The following GSDMC variants were observed in gnomAD, a reference collection of about 807,000 sequenced individuals.
GSDMC encodes the protein gasdermin-C.
In GSDMC, 59 loss-of-function variants were observed where a neutral mutation model predicts 58.0. The observed-to-expected ratio is 1.02, with a 90% confidence interval of 0.82 to 1.26. GSDMC has a LOEUF of 1.26. GSDMC is among the 50% of genes most tolerant of loss of function. GSDMC has a pLI of 0.00. For synonymous variants in GSDMC, 241 were observed against 220.2 expected, an observed-to-expected ratio of 1.09 and a Z score of -0.83; for missense variants, 659 against 598.5, an observed-to-expected ratio of 1.10 and a Z score of -1.06.
At chr8:129,780,416 C>A (rs578127959) in intron 1 of GSDMC, among the ~76,000 whole-genome samples, 72 of 151,960 alleles carry the variant, frequency 4.7e-4, no homozygotes, top group Non-Finnish European at 9.6e-4. Flanking sequence ...AAATAACAAA[C>A]AATAAAATTC....
the GSDMC span, among the ~76,000 whole-genome samples, chr8:129,715,753 C>T: frequency 5.3e-5 from 8 of 152,074 alleles, no homozygotes; most frequent in Admixed American, 2.6e-4. Context: ...GAAAAAATAC[C>T]CCTGGAAGTG....
the GSDMC span, among the ~76,000 whole-genome samples, chr8:129,718,565 C>T: frequency 2.5e-4 from 38 of 152,266 alleles, 1 homozygote; most frequent in South Asian, 1.2e-3. Context: ...GAAATTGTAA[C>T]GCTTTTACAC....
At chr8:129,748,826 GGATAATAA>G in intron 13 of GSDMC, 86 bp from the exon 14 acceptor site, 2 of 1,160,148 alleles carry the variant, frequency 1.7e-6, no homozygotes, top group Non-Finnish European at 2.3e-6. Context: ...GGGCCATGCA[GGATAATAA>G]AAGGAGCAAG....
the GSDMC span, among the ~76,000 whole-genome samples, chr8:129,709,590 T>TGATAGATAGATAGATA: frequency 3.4e-5 from 5 of 146,022 alleles, no homozygotes; most frequent in East Asian, 2.0e-4. Context: ...GATAGATAGA[T>TGATAGATAGATAGATA]GATAGATAGA....
chr8:129,776,846 C>T (rs968221043), intron 2 of GSDMC, among the ~76,000 whole-genome samples: 5 of 152,194 alleles, frequency 3.3e-5, no homozygotes, highest in Admixed American at 6.5e-5. Flanking sequence ...CTGCAACCTC[C>T]GCCTTCTGGG....
chr8:129,774,886 G>C (rs567444883), intron 3 of GSDMC, among the ~76,000 whole-genome samples: 8 of 152,190 alleles, frequency 5.3e-5, no homozygotes, highest in African/African-American at 1.7e-4. Flanking sequence ...ACATAATTTC[G>C]CATCTGTTTG....
rs778760906 is a variant in GSDMC at position 129,748,680 on chromosome 8, G to T, written c.1348C>A (p.Pro450Thr). ...CTCTGGAGTGGGGCGAGGAGCTCAG[G>T]TTTGAGGGTGAAGGGAATGCTCCAG... ...YPWSIPFTLK[P>T]ELLAPLQSEG... Residue 450 changes from proline (P) to threonine (T), a missense_variant, in exon 14 of 14, where the codon CCT (proline) becomes ACT (threonine). Coordinates refer to ENST00000276708, the MANE Select transcript of GSDMC (RefSeq NM_031415.3). 1.2e-6 allele frequency: 2 copies of T among 1,605,044 alleles called. No individual in the cohort carries two copies. Among genetic ancestry groups the T allele is most frequent in the South Asian group, 2.2e-5 (2 of 89,520 alleles).
chr8:129,725,355 C>T, the GSDMC span, among the ~76,000 whole-genome samples: 56,015 of 151,976 alleles, frequency 0.37, 13,925 homozygotes, highest in East Asian at 0.71. Flanking sequence ...CACACTCATG[C>T]GTTCTTTTCT....
intron 5 of GSDMC, among the ~76,000 whole-genome samples, chr8:129,761,601 A>T (rs2033663738): frequency 6.6e-6 from 1 of 152,106 alleles, no homozygotes; most frequent in Non-Finnish European, 1.5e-5. Context: ...GATATTTTGA[A>T]ACTAGAGCTC....
chr8:129,757,564 C>T (rs953492132), intron 6 of GSDMC, among the ~76,000 whole-genome samples: 8 of 151,704 alleles, frequency 5.3e-5, no homozygotes, highest in African/African-American at 1.9e-4. Flanking sequence ...GCCAGTATTA[C>T]CCAGATACCA....
chr8:129,717,300 A>T, the GSDMC span, among the ~76,000 whole-genome samples: 1 of 136,542 alleles, frequency 7.3e-6, no homozygotes, highest in East Asian at 2.2e-4. Context: ...TACTGCCTCA[A>T]TTTCAGAACT....
At chr8:129,776,040 G>T in intron 3 of GSDMC, 62 bp downstream of exon 3, 3 of 1,278,248 alleles carry the variant, frequency 2.3e-6, no homozygotes, top group South Asian at 1.4e-5. Context: ...GTATTTTTGT[G>T]TTCAAGGAAA....
At chr8:129,733,413 G>A in the GSDMC span, among the ~76,000 whole-genome samples, 1 of 152,158 alleles carries the variant, frequency 6.6e-6, no homozygotes, top group Non-Finnish European at 1.5e-5. Flanking sequence ...TCCCAGTAGG[G>A]GCCAACTAAC....
chr8:129,750,300 G>C, intron 11 of GSDMC, 131 bp downstream of exon 11: 12 of 1,104,634 alleles, frequency 1.1e-5, no homozygotes, highest in Non-Finnish European at 1.5e-5. Context: ...CCCGGCACCA[G>C]AGTCCCCAGT....
chr8:129,745,236 A>C (rs1379990005), downstream of GSDMC, among the ~76,000 whole-genome samples: 1 of 152,226 alleles, frequency 6.6e-6, no homozygotes, highest in African/African-American at 2.4e-5. Context: ...CACTTAATGA[A>C]GTTTTTGAAA....
At chr8:129,745,441 A>G (rs2032939187), downstream of GSDMC, among the ~76,000 whole-genome samples, 1 of 152,196 alleles carries the variant, frequency 6.6e-6, no homozygotes, top group African/African-American at 2.4e-5. Flanking sequence ...GGTCTTATCC[A>G]GCCTCATGAC....
At chr8:129,722,366 T>A in the GSDMC span, among the ~76,000 whole-genome samples, 1 of 152,230 alleles carries the variant, frequency 6.6e-6, no homozygotes, top group Non-Finnish European at 1.5e-5. Flanking sequence ...GTAGCCCAAC[T>A]GGACACCTTG....
intron 1 of GSDMC, among the ~76,000 whole-genome samples, chr8:129,781,981 C>A (rs1279083766): frequency 3.3e-5 from 5 of 152,136 alleles, no homozygotes; most frequent in African/African-American, 1.2e-4. Context: ...CAGAACCAGT[C>A]TTAAAACACT....
chr8:129,713,973 G>C, the GSDMC span, among the ~76,000 whole-genome samples: 146 of 152,264 alleles, frequency 9.6e-4, no homozygotes, highest in Non-Finnish European at 1.1e-3. Flanking sequence ...AAGATGTTTG[G>C]AGCAGACAGT....
Sources: allele counts gnomAD v4.1 joint callset (sites outside exome capture counted in the v4.1 genomes callset), GRCh38; gene constraint gnomAD v4.1.1; transcripts MANE v1.5; gene names NCBI Gene and HGNC (gene_info 2026-07-23, HGNC 2026-07-21).